DPY19L3: variants seen among roughly 807,000 people sequenced by gnomAD.
DPY19L3 encodes protein C-mannosyl-transferase DPY19L3.
A neutral mutation model predicts 92.3 loss-of-function variants in DPY19L3; 51 were observed. That is an observed-to-expected ratio of 0.55 (90% confidence interval 0.44 to 0.70). The LOEUF (loss-of-function observed/expected upper bound fraction) is 0.70, where lower values mean the gene tolerates loss of function less well. Ranked by LOEUF, DPY19L3 falls within the 30% of genes least tolerant of loss-of-function variation. DPY19L3 has a pLI of 0.00. For missense variants in DPY19L3, 706 were observed against 855.9 expected, an observed-to-expected ratio of 0.82 and a Z score of 2.18; for synonymous variants, 309 against 315.2, an observed-to-expected ratio of 0.98 and a Z score of 0.21.
chr19:32,453,183 CCTGGT>C lies in DPY19L3; in HGVS notation c.898_902del (p.Val300HisfsTer6). ...ATGGAATACAGATAACAAGTTTACT[CCTGGT>C]CTGCATTCTTCAGTTTTTTAATTCC... On this transcript the variant is annotated frameshift_variant, in exon 9 of 19. Transcript: ENST00000392250. LOFTEE classifies it high-confidence loss of function. 2 of 1,614,090 alleles carry C rather than the reference CCTGGT, an allele frequency of 1.2e-6. No homozygotes were observed. The highest frequency in any genetic ancestry group is 1.7e-6 in the Non-Finnish European group (2 of 1,179,978).
intron 3 of DPY19L3, among the ~76,000 whole-genome samples, chr19:32,423,543 G>A (rs1030081232): frequency 6.6e-6 from 1 of 151,674 alleles, no homozygotes; most frequent in Non-Finnish European, 1.5e-5. Context: ...GATTACAGGT[G>A]TGAGCCACCA....
chr19:32,437,068 T>C, intron 5 of DPY19L3, 126 bp from the exon 6 acceptor site: 1 of 1,094,644 alleles, frequency 9.1e-7, no homozygotes. Flanking sequence ...ATGAAAGGGG[T>C]GTGGGCTTGC....
intron 1 of DPY19L3, among the ~76,000 whole-genome samples, chr19:32,407,272 A>ACC (rs923773742): frequency 2.1e-5 from 2 of 93,512 alleles, no homozygotes; most frequent in Admixed American, 1.2e-4. Context: ...GCTCCCCCCC[A>ACC]CCCATTACTC....
chr19:32,465,438 C>T (rs907318740), intron 15 of DPY19L3, among the ~76,000 whole-genome samples: 17 of 152,236 alleles, frequency 1.1e-4, no homozygotes, highest in Admixed American at 2.0e-4. Context: ...GGGCAGATAG[C>T]ACAGACTGTT....
intron 16 of DPY19L3, among the ~76,000 whole-genome samples, chr19:32,469,288 G>C (rs1970285145): frequency 6.6e-6 from 1 of 152,140 alleles, no homozygotes; most frequent in Admixed American, 6.5e-5. Flanking sequence ...CCCGAGGTCA[G>C]GAGTTCAAGA....
intron 3 of DPY19L3, among the ~76,000 whole-genome samples, chr19:32,416,853 C>CA (rs1968395184): frequency 6.6e-6 from 1 of 152,228 alleles, no homozygotes; most frequent in African/African-American, 2.4e-5. Context: ...AGGCTGGACT[C>CA]AATCTCCAGC....
chr19:32,423,645 A>G (rs1317471559), intron 3 of DPY19L3, among the ~76,000 whole-genome samples: 1 of 152,068 alleles, frequency 6.6e-6, no homozygotes, highest in Admixed American at 6.6e-5. Context: ...TAATAATGTT[A>G]TAATGCATAA....
chr19:32,444,174 C>T (rs1969413375), intron 8 of DPY19L3, among the ~76,000 whole-genome samples: 2 of 149,724 alleles, frequency 1.3e-5, no homozygotes, highest in Non-Finnish European at 3.0e-5. Context: ...AGGCAGCCAT[C>T]ATAAAAAAAA....
chr19:32,477,372 CA>C, intron 16 of DPY19L3, 149 bp from the exon 17 acceptor site: 1 of 1,020,970 alleles, frequency 9.8e-7, no homozygotes, highest in South Asian at 1.7e-5. Context: ...GAGTACAAAT[CA>C]AAACCGAAGC....
chr19:32,484,552 G>A lies in DPY19L3; in HGVS notation c.*2312G>A, dbSNP rs1033991524. 4 of 152,180 alleles carry A rather than the reference G, an allele frequency of 2.6e-5. No individual in the cohort carries two copies. Among genetic ancestry groups the A allele is most frequent in the African/African-American group, 9.7e-5 (4 of 41,430 alleles). 9.4% of individuals were successfully genotyped at this position (152,180 alleles called of 1,614,324 possible). On this transcript the variant is annotated 3_prime_UTR_variant, in exon 19 of 19. Transcript: ENST00000392250. ...GATTTTGCTTCTGAGTTAGCAGTCA[G>A]AAGACCCTCTAAGTACAATAGAAGT...
rs550157033 is a variant in DPY19L3, at chr19:32,452,194, G to A, written c.856-951G>A. ...ACCCTACATCAACTCTGTGAGGAAG[G>A]TATCATCATCTCTTGTTCACGATGA... On this transcript the variant is annotated intron_variant, in intron 8 of 18. Transcript: ENST00000392250. Among the ~76,000 whole-genome samples the A allele has an allele frequency of 1.3e-4, 20 of 152,316 alleles. 1 individual carries two copies. In the South Asian group the frequency reaches 3.9e-3, roughly 30 times the overall value.
At chr19:32,420,385 T>C (rs988529990) in intron 3 of DPY19L3, among the ~76,000 whole-genome samples, 1 of 152,116 alleles carries the variant, frequency 6.6e-6, no homozygotes, top group Admixed American at 6.5e-5. Context: ...ATATGGTTAG[T>C]CATGGCAGGT....
rs761400827 is a variant in DPY19L3 at position 32,411,242 on chromosome 19, G to T, written c.107G>T (p.Cys36Phe). Residue 36 changes from cysteine (C) to phenylalanine (F), a missense_variant, in exon 3 of 19, where the codon TGT (cysteine) becomes TTT (phenylalanine). Physicochemically the swap from Cys to Phe is radical, Grantham distance 205 (BLOSUM62 -2). Coordinates refer to ENST00000392250, the MANE Select transcript of DPY19L3 (RefSeq NM_001172774.2). ...VKLENKLPSG[C>F]TSRRLWKILS... ...ATCTGTTCCATTTTTCCAAAAGGTT[G>T]TACCAGTAGAAGATTATGGAAGATT... 6 of 1,608,980 alleles carry T rather than the reference G, an allele frequency of 3.7e-6. No individual in the cohort carries two copies. The South Asian group carries it at 6.7e-5, about 18-fold the overall frequency.
At chr19:32,446,699 G>A (rs1030430230) in intron 8 of DPY19L3, among the ~76,000 whole-genome samples, 2 of 152,180 alleles carry the variant, frequency 1.3e-5, no homozygotes, top group African/African-American at 4.8e-5. Context: ...CCAAACAACA[G>A]TACTGCAACG....
chr19:32,470,446 G>C (rs1055830415), intron 16 of DPY19L3, among the ~76,000 whole-genome samples: 7 of 152,064 alleles, frequency 4.6e-5, no homozygotes, highest in African/African-American at 1.7e-4. Flanking sequence ...GGGTCTTCCG[G>C]ATCTCCTTAG....
chr19:32,437,090 A>T, intron 5 of DPY19L3, 104 bp from the exon 6 acceptor site: 1 of 1,391,714 alleles, frequency 7.2e-7, no homozygotes, highest in Non-Finnish European at 9.8e-7. Flanking sequence ...GCTTGGAATT[A>T]GAGGCAAGCT....
In DPY19L3 at chr19:32,458,495, C is replaced by T. The variant is rs76478608; in HGVS notation, c.1308C>T (p.Ala436=). Reference sequence around the variant, plus strand: ...CAGTGATTGTAGCATTCGTTGTTGCCTTTCATAATCTCAGGTATGGTATAT... The same window carrying T: ...CAGTGATTGTAGCATTCGTTGTTGCTTTTCATAATCTCAGGTATGGTATAT... The part of the protein sequence containing the change: ...SITVIVAFVV[A]FHNLSDSTNQ... The change falls in exon 12 of 19, where the codon GCC becomes GCT. Residue 436 remains alanine (A), a synonymous_variant. Transcript: ENST00000392250. 6.2e-7 allele frequency: 1 copy of T among 1,609,714 alleles called. No homozygotes were observed. The highest frequency in any genetic ancestry group is 8.5e-7 in the Non-Finnish European group (1 of 1,179,034).
At position 32,483,131 on chromosome 19, in the gene DPY19L3, T is replaced by C. The variant is rs1970720173; in HGVS notation, c.*891T>C. 1 of 152,236 alleles carries C rather than the reference T, an allele frequency of 6.6e-6. No individual in the cohort carries two copies. The highest frequency in any genetic ancestry group is 2.4e-5 in the African/African-American group (1 of 41,464). 9.4% of individuals were successfully genotyped at this position (152,236 alleles called of 1,614,324 possible). On this transcript the variant is annotated 3_prime_UTR_variant, in exon 19 of 19. Transcript: ENST00000392250. Reference sequence around the variant, plus strand: ...TTTGTGTTTTTAGCCTTTGTATTTTTTACAGCCTAGAATCTTGCAAAGTCT... The same window carrying C: ...TTTGTGTTTTTAGCCTTTGTATTTTCTACAGCCTAGAATCTTGCAAAGTCT...
chr19:32,455,909 C>T (rs1568349094), intron 10 of DPY19L3, among the ~76,000 whole-genome samples: 1 of 152,018 alleles, frequency 6.6e-6, no homozygotes, highest in African/African-American at 2.4e-5. Flanking sequence ...AGCAAAACTA[C>T]ATTGGTATCT....
Sources: allele counts gnomAD v4.1 joint callset (sites outside exome capture counted in the v4.1 genomes callset), GRCh38; gene constraint gnomAD v4.1.1; transcripts MANE v1.5; gene names NCBI Gene and HGNC (gene_info 2026-07-23, HGNC 2026-07-21).